The following NAV3 variants were observed in gnomAD, a reference collection of about 807,000 sequenced individuals.
The protein encoded by NAV3 is neuron navigator 3.
In NAV3, 87 loss-of-function variants were observed where a neutral mutation model predicts 244.7. The observed-to-expected ratio is 0.36, with a 90% CI of 0.30 to 0.42. The LOEUF (loss-of-function observed/expected upper bound fraction) is 0.42, where lower values mean the gene tolerates loss of function less well. Among genes scored for constraint, NAV3 ranks in the 20% least tolerant of loss-of-function variants. The probability of loss-of-function intolerance (pLI) is 1.00; values close to 1 mark genes in which losing one functional copy is unlikely to be tolerated. For synonymous variants in NAV3, 1,126 were observed against 1,042.2 expected, an observed-to-expected ratio of 1.08 and a Z score of -1.55; for missense variants, 2,663 against 2,893.3, an observed-to-expected ratio of 0.92 and a Z score of 1.83.
intron 1 of NAV3, among the ~76,000 whole-genome samples, chr12:77,903,883 CA>C (rs1206101208): frequency 4.6e-5 from 7 of 152,144 alleles, no homozygotes. Context: ...AGCCAAAAGA[CA>C]CATGAAAAAA....
chr12:78,210,484 C>T lies in NAV3; in HGVS notation c.7125C>T (p.Asp2375=). 1 of 1,613,804 alleles carries T rather than the reference C, an allele frequency of 6.2e-7. No individual in the cohort carries two copies. Among genetic ancestry groups the T allele is most frequent in the South Asian group, 1.1e-5 (1 of 91,080 alleles). ...CDSESTSHHE[D]ILDSSLESTL ...GCGAAAGCACCAGCCACCATGAAGACATTTTGGATTCATCTCTTGAATCTA... is the reference window on the plus strand; with the variant it reads ...GCGAAAGCACCAGCCACCATGAAGATATTTTGGATTCATCTCTTGAATCTA... The change falls in exon 40 of 40, where the codon GAC becomes GAT. Residue 2375 remains aspartate, a synonymous_variant. Transcript: ENST00000397909.
chr12:77,790,720 A>G (rs1224614261), intron 2 of NAV3, among the ~76,000 whole-genome samples: 1 of 152,038 alleles, frequency 6.6e-6, no homozygotes, highest in Non-Finnish European at 1.5e-5. Context: ...CATTTACCTA[A>G]ACCTATGGGA....
At chr12:77,664,121 A>G (rs1319462159) in intron 2 of NAV3, among the ~76,000 whole-genome samples, 4 of 152,228 alleles carry the variant, frequency 2.6e-5, no homozygotes, top group Non-Finnish European at 5.9e-5. Context: ...AAATTATGAA[A>G]TTATTCAGGT....
chr12:78,002,273 G>T (rs1873442218), intron 7 of NAV3, among the ~76,000 whole-genome samples: 1 of 152,052 alleles, frequency 6.6e-6, no homozygotes, highest in Admixed American at 6.6e-5. Flanking sequence ...TTTCCATGTT[G>T]CTAAGAAACA....
chr12:78,197,197 A>G (rs775985124), intron 34 of NAV3, 50 bp from the exon 35 acceptor site: 18 of 1,375,514 alleles, frequency 1.3e-5, no homozygotes, highest in Non-Finnish European at 1.7e-5. Context: ...ACTGCTTCCT[A>G]TTAGTATAAA....
Position 78,050,020 on chromosome 12 carries a change from G to A in NAV3, c.2051G>A (p.Arg684Lys), listed in dbSNP as rs747364084. 1 of 1,612,378 alleles carries A rather than the reference G, an allele frequency of 6.2e-7. No individual in the cohort carries two copies. The highest frequency in any genetic ancestry group is 1.1e-5 in the South Asian group (1 of 90,484). Residue 684 changes from arginine to lysine, a missense_variant, in exon 10 of 40, where the codon AGA (arginine) becomes AAA (lysine). Arg to Lys is a conservative substitution (Grantham distance 26, BLOSUM62 2). Around this residue, in one of 6 missense-constraint regions of NAV3, gnomAD observed 1,521 missense variants for 1,497.0 expected, o/e 1.02. Transcript: ENST00000397909. Reference protein sequence around the residue: ...SGEDPETRRMRTVKNIADLRQ... With the variant: ...SGEDPETRRMKTVKNIADLRQ... ...GAAGACCCTGAAACAAGAAGAATGAGAACAGTTAAAAACATAGCAGACTTG... is the reference window on the plus strand; with the variant it reads ...GAAGACCCTGAAACAAGAAGAATGAAAACAGTTAAAAACATAGCAGACTTG...
chr12:78,029,226 A>G (rs1345906214), intron 9 of NAV3, among the ~76,000 whole-genome samples: 1 of 152,176 alleles, frequency 6.6e-6, no homozygotes, highest in Non-Finnish European at 1.5e-5. Flanking sequence ...TAGGCTAGAA[A>G]AAGTGGATAT....
chr12:77,902,784 C>T, intron 1 of NAV3, among the ~76,000 whole-genome samples: 1 of 152,190 alleles, frequency 6.6e-6, no homozygotes. Flanking sequence ...TGATAGACAA[C>T]TTCAGCAAAA....
intron 15 of NAV3, 76 bp from the exon 16 acceptor site, chr12:78,121,864 G>A (rs2138673956): frequency 6.4e-7 from 1 of 1,563,760 alleles, no homozygotes; most frequent in Non-Finnish European, 8.7e-7. Flanking sequence ...TTGGCTCTGT[G>A]TACTGTAACC....
chr12:77,775,043 G>A (rs975487507), intron 2 of NAV3, among the ~76,000 whole-genome samples: 4 of 152,096 alleles, frequency 2.6e-5, no homozygotes, highest in Non-Finnish European at 4.4e-5. Flanking sequence ...AGGCATGGAC[G>A]TTACCATTTT....
At chr12:77,578,010 T>A (rs566608528) in intron 2 of NAV3, among the ~76,000 whole-genome samples, 1 of 152,154 alleles carries the variant, frequency 6.6e-6, no homozygotes, top group African/African-American at 2.4e-5. Context: ...TCTCCAAAAT[T>A]GATTCTAGTT....
chr12:77,983,049 AGCATATAATGAGAGAGAAG>A (rs1869849601), intron 5 of NAV3, among the ~76,000 whole-genome samples: 2 of 152,320 alleles, frequency 1.3e-5, no homozygotes, highest in South Asian at 4.1e-4. Context: ...AAATTGTCAT[AGCATATAATGAGAGAGAAG>A]ACTGGAGAAA....
chr12:78,128,258 T>C (rs1315962058), intron 17 of NAV3, among the ~76,000 whole-genome samples: 2 of 115,920 alleles, frequency 1.7e-5, no homozygotes, highest in Admixed American at 1.0e-4. Flanking sequence ...AAAAGAACTG[T>C]TTTTCCTTTA....
At chr12:77,726,935 G>A (rs574826381) in intron 2 of NAV3, among the ~76,000 whole-genome samples, 1 of 151,890 alleles carries the variant, frequency 6.6e-6, no homozygotes, top group East Asian at 1.9e-4. Context: ...TAATAATATG[G>A]GATTTCATGT....
chr12:77,845,001 T>C (rs1253725970), intron 1 of NAV3, among the ~76,000 whole-genome samples: 1 of 152,194 alleles, frequency 6.6e-6, no homozygotes, highest in Non-Finnish European at 1.5e-5. Flanking sequence ...ACATTACCTA[T>C]CATTTTTGGA....
At chr12:77,764,728 C>T (rs764397816) in intron 2 of NAV3, among the ~76,000 whole-genome samples, 2 of 152,188 alleles carry the variant, frequency 1.3e-5, no homozygotes, top group African/African-American at 2.4e-5. Flanking sequence ...ATTTTACTCT[C>T]TTGTAGGAGA....
At chr12:78,066,078 G>A (rs562335466) in intron 12 of NAV3, among the ~76,000 whole-genome samples, 1 of 152,180 alleles carries the variant, frequency 6.6e-6, no homozygotes, top group African/African-American at 2.4e-5. Context: ...AATGCTATTA[G>A]TGTCCTTAGA....
intron 9 of NAV3, chr12:78,036,936 C>A: frequency 1.4e-6 from 1 of 702,956 alleles, no homozygotes; most frequent in East Asian, 2.7e-5. Context: ...CCTTCAGAAA[C>A]AAAAGTCTCT....
intron 2 of NAV3, among the ~76,000 whole-genome samples, chr12:77,604,481 G>A (rs551733631): frequency 6.6e-6 from 1 of 151,952 alleles, no homozygotes; most frequent in South Asian, 2.1e-4. Flanking sequence ...CTAGACCAGG[G>A]TCTGGCACAG....
Sources: gnomAD v4.1 joint callset for allele counts (sites outside exome capture counted in the v4.1 genomes callset) on GRCh38, gnomAD v4.1.1 for gene constraint, gnomAD v4.1.1 regional missense constraint, MANE v1.5 for transcripts, NCBI Gene and HGNC (gene_info 2026-07-23, HGNC 2026-07-21) for gene names.